KCNH8: variants seen among roughly 807,000 people sequenced by gnomAD.
KCNH8 encodes voltage-gated delayed rectifier potassium channel KCNH8.
KCNH8 carries 70 observed loss-of-function variants against 103.6 expected under a neutral mutation model. The observed-to-expected ratio is 0.68, with a 90% CI of 0.56 to 0.82. The LOEUF is 0.82. KCNH8 is among the 40% of genes least tolerant of loss of function. The probability of loss-of-function intolerance (pLI) is 0.00; values close to 1 mark genes in which losing one functional copy is unlikely to be tolerated. For synonymous variants in KCNH8, 498 were observed against 489.4 expected (o/e 1.02, Z -0.23); for missense variants, 1,217 against 1,329.9 (o/e 0.92, Z 1.32).
At chr3:19,421,649 T>C (rs1010865754) in intron 7 of KCNH8, among the ~76,000 whole-genome samples, 1 of 152,072 alleles carries the variant, frequency 6.6e-6, no homozygotes, top group African/African-American at 2.4e-5. Context: ...AGCTTTTTTT[T>C]AGTAACATTT....
At chr3:19,493,470 A>G (rs1278589029) in intron 11 of KCNH8, among the ~76,000 whole-genome samples, 1 of 152,142 alleles carries the variant, frequency 6.6e-6, no homozygotes, top group Non-Finnish European at 1.5e-5. Flanking sequence ...GCTCTCACAC[A>G]CTTGCTTCTC....
At chr3:19,438,466 A>T (rs1184972252) in intron 8 of KCNH8, 105 bp downstream of exon 8, 2 of 921,012 alleles carry the variant, frequency 2.2e-6, no homozygotes, top group African/African-American at 1.7e-5. Flanking sequence ...ACTGATTAAC[A>T]CTGGAAGATT....
At chr3:19,481,799 A>G (rs1404693021) in intron 11 of KCNH8, among the ~76,000 whole-genome samples, 1 of 152,242 alleles carries the variant, frequency 6.6e-6, no homozygotes, top group Non-Finnish European at 1.5e-5. Context: ...AAGTAACAGC[A>G]TTAACTGCTG....
At chr3:19,478,288 C>T (rs566742616) in intron 11 of KCNH8, among the ~76,000 whole-genome samples, 4 of 151,880 alleles carry the variant, frequency 2.6e-5, no homozygotes, top group Admixed American at 6.6e-5. Flanking sequence ...CCTGCCCTCT[C>T]GGTGTATACC....
chr3:19,375,579 A>G (rs1385566493), intron 5 of KCNH8, among the ~76,000 whole-genome samples: 55 of 151,136 alleles, frequency 3.6e-4, no homozygotes, highest in Non-Finnish European at 1.3e-4. Context: ...GAGTAATTTG[A>G]TCGTCTGAAG....
intron 7 of KCNH8, among the ~76,000 whole-genome samples, chr3:19,432,002 C>T (rs1207507001): frequency 3.1e-5 from 4 of 128,254 alleles, no homozygotes; most frequent in East Asian, 4.3e-4. Flanking sequence ...TCCTTCAGTT[C>T]GCCTCTGATT....
chr3:19,381,884 C>G (rs533984642), intron 5 of KCNH8, among the ~76,000 whole-genome samples: 1 of 152,182 alleles, frequency 6.6e-6, no homozygotes, highest in African/African-American at 2.4e-5. Context: ...AATCAATGGA[C>G]ATACATACCA....
chr3:19,314,531 T>C (rs1313547665), intron 3 of KCNH8, among the ~76,000 whole-genome samples: 1 of 151,936 alleles, frequency 6.6e-6, no homozygotes, highest in Non-Finnish European at 1.5e-5. Flanking sequence ...GGTCATGACA[T>C]TGCAGTCTGG....
chr3:19,249,170 A>T (rs1333578377), intron 1 of KCNH8, among the ~76,000 whole-genome samples: 1 of 152,232 alleles, frequency 6.6e-6, no homozygotes, highest in African/African-American at 2.4e-5. Flanking sequence ...TATACCCATG[A>T]TGATTTCGTA....
chr3:19,447,141 A>G (rs1047943865), intron 8 of KCNH8, among the ~76,000 whole-genome samples: 3 of 152,042 alleles, frequency 2.0e-5, no homozygotes, highest in African/African-American at 4.8e-5. Flanking sequence ...TCAAACTTTG[A>G]TAACAGATGG....
intron 1 of KCNH8, among the ~76,000 whole-genome samples, chr3:19,193,005 A>G (rs1276214749): frequency 6.6e-6 from 1 of 151,614 alleles, no homozygotes; most frequent in Non-Finnish European, 1.5e-5. Flanking sequence ...ACATTTTTAC[A>G]TAAATTTTTA....
At chr3:19,335,455 ATG>A (rs1300327116) in intron 3 of KCNH8, among the ~76,000 whole-genome samples, 22 of 140,600 alleles carry the variant, frequency 1.6e-4, no homozygotes, top group East Asian at 6.3e-4. Context: ...GTATATATAT[ATG>A]TGTGTGTGTG....
intron 3 of KCNH8, among the ~76,000 whole-genome samples, chr3:19,329,155 C>G (rs962865476): frequency 6.6e-6 from 1 of 152,168 alleles, no homozygotes; most frequent in Non-Finnish European, 1.5e-5. Flanking sequence ...ACCAGAAGGG[C>G]ATTCCGAGGC....
chr3:19,233,089 G>A (rs1423377584), intron 1 of KCNH8, among the ~76,000 whole-genome samples: 2 of 101,692 alleles, frequency 2.0e-5, no homozygotes, highest in Admixed American at 3.2e-4. Flanking sequence ...TACATAAATT[G>A]AGCTGTTATC....
intron 3 of KCNH8, among the ~76,000 whole-genome samples, chr3:19,340,353 T>A (rs1430894696): frequency 2.4e-5 from 3 of 126,246 alleles, no homozygotes; most frequent in Non-Finnish European, 5.0e-5. Context: ...TTATTTTTTT[T>A]TTAATTTTTT....
At chr3:19,449,463 G>T (rs1194401732) in intron 8 of KCNH8, among the ~76,000 whole-genome samples, 1 of 151,784 alleles carries the variant, frequency 6.6e-6, no homozygotes, top group East Asian at 1.9e-4. Context: ...GGGTTGGGCT[G>T]GGTATTGGAG....
chr3:19,173,379 A>G (rs989292807), intron 1 of KCNH8, among the ~76,000 whole-genome samples: 7 of 152,156 alleles, frequency 4.6e-5, no homozygotes, highest in Non-Finnish European at 4.4e-5. Context: ...TATTTTTTTC[A>G]ACAAATATTT....
At chr3:19,526,531 C>A (rs2069067608) in intron 15 of KCNH8, among the ~76,000 whole-genome samples, 1 of 151,944 alleles carries the variant, frequency 6.6e-6, no homozygotes, top group African/African-American at 2.4e-5. Context: ...CCAAAAGGCA[C>A]AATCTAACCA....
intron 1 of KCNH8, among the ~76,000 whole-genome samples, chr3:19,224,148 T>G (rs2125233503): frequency 6.6e-6 from 1 of 152,168 alleles, no homozygotes; most frequent in Admixed American, 6.5e-5. Context: ...AAAGTAAAGT[T>G]TTTTTTTCTA....
Sources: gnomAD v4.1 joint callset for allele counts (sites outside exome capture counted in the v4.1 genomes callset) on GRCh38, gnomAD v4.1.1 for gene constraint, MANE v1.5 for transcripts, NCBI Gene and HGNC (gene_info 2026-07-23, HGNC 2026-07-21) for gene names.